CAMTA1: variants seen among roughly 807,000 people sequenced by gnomAD.
CAMTA1 encodes calmodulin-binding transcription activator 1.
Under a neutral mutation model 170.9 loss-of-function variants are expected in CAMTA1, and 27 were observed. The observed-to-expected ratio is 0.16, with a 90% CI of 0.12 to 0.22. CAMTA1 has a LOEUF of 0.22. Among genes scored for constraint, CAMTA1 ranks in the 10% least tolerant of loss-of-function variants. The pLI, the probability that CAMTA1 is intolerant of heterozygous loss-of-function variation, is 1.00. For synonymous variants in CAMTA1, 833 were observed against 891.5 expected (o/e 0.93, Z 1.17); for missense variants, 1,619 against 2,217.2 (o/e 0.73, Z 5.42).
At chr1:6,872,775 T>TA (rs533773647) in intron 3 of CAMTA1, among the ~76,000 whole-genome samples, 2 of 152,008 alleles carry the variant, frequency 1.3e-5, no homozygotes, top group African/African-American at 2.4e-5. Flanking sequence ...ATCATGTCCT[T>TA]AAAAAAAACA....
intron 5 of CAMTA1, among the ~76,000 whole-genome samples, chr1:7,401,070 G>T (rs2089865497): frequency 6.6e-6 from 1 of 152,014 alleles, no homozygotes; most frequent in Non-Finnish European, 1.5e-5. Flanking sequence ...TGTGTTTTTG[G>T]TGTCATATCT....
chr1:7,215,278 G>A (rs1659554815), intron 4 of CAMTA1, among the ~76,000 whole-genome samples: 1 of 151,674 alleles, frequency 6.6e-6, no homozygotes, highest in African/African-American at 2.4e-5. Flanking sequence ...CTAGCTTTTT[G>A]AGCTTAGAAT....
intron 1 of CAMTA1, among the ~76,000 whole-genome samples, chr1:6,794,381 A>G (rs1046302270): frequency 2.0e-5 from 3 of 152,230 alleles, no homozygotes; most frequent in Non-Finnish European, 4.4e-5. Flanking sequence ...TGTGGTGGCA[A>G]CAATGTGAGA....
chr1:7,376,255 CCTGGG>C lies in CAMTA1; in HGVS notation c.439-91573_439-91569del, dbSNP rs559747231. Reference sequence around the variant, plus strand: ...TCGCTGTCTCTGCCAACTCGAAGGGCCTGGGCATAACTGGCCAGCACATGGCCCTG... The same window carrying C: ...TCGCTGTCTCTGCCAACTCGAAGGGCCATAACTGGCCAGCACATGGCCCTG... On this transcript the variant is annotated intron_variant, in intron 5 of 22. Coordinates refer to ENST00000303635, the MANE Select transcript of CAMTA1 (RefSeq NM_015215.4). 7.0e-4 allele frequency among the ~76,000 whole-genome samples: 106 copies of C among 152,350 alleles called. 1 individual carries two copies. Among genetic ancestry groups the C allele is most frequent in the African/African-American group, 2.5e-3 (103 of 41,588 alleles).
intron 6 of CAMTA1, among the ~76,000 whole-genome samples, chr1:7,600,939 C>A (rs575699603): frequency 1.3e-5 from 2 of 151,856 alleles, no homozygotes; most frequent in South Asian, 2.1e-4. Context: ...ACCTTTCCCC[C>A]CTTTCTATTC....
chr1:7,431,855 G>GC (rs1242816409), intron 5 of CAMTA1, among the ~76,000 whole-genome samples: 2 of 152,098 alleles, frequency 1.3e-5, no homozygotes, highest in African/African-American at 4.8e-5. Context: ...ACCTCCTCCT[G>GC]CCCCATCCCC....
intron 11 of CAMTA1, among the ~76,000 whole-genome samples, chr1:7,684,236 C>T (rs2096239462): frequency 6.6e-6 from 1 of 152,222 alleles, no homozygotes; most frequent in Non-Finnish European, 1.5e-5. Flanking sequence ...GGAGGACGCC[C>T]CAGGACTCGG....
At chr1:7,718,853 C>CTTTTTTT (rs1380463151) in intron 11 of CAMTA1, among the ~76,000 whole-genome samples, 4 of 134,558 alleles carry the variant, frequency 3.0e-5, no homozygotes, top group African/African-American at 5.5e-5. Context: ...CCGGTCAGCC[C>CTTTTTTT]TTTTTTTTTT....
rs1265721260 is a variant in CAMTA1 at position 7,251,167 on chromosome 1, G to T, written c.438+1541G>T. On this transcript the variant is annotated intron_variant, in intron 5 of 22. Transcript: ENST00000303635. The surrounding 1 kb of genome is among the most constrained non-coding windows in gnomAD (Gnocchi z 5.1). ...TGGTATATTTCATCTTTAGTAATACGTACATCAGGAACTTCTGCTCGTGAG... is the reference window on the plus strand; with the variant it reads ...TGGTATATTTCATCTTTAGTAATACTTACATCAGGAACTTCTGCTCGTGAG... 6.6e-6 allele frequency among the ~76,000 whole-genome samples: 1 copy of T among 152,172 alleles called. No individual in the cohort carries two copies. The highest frequency in any genetic ancestry group is 2.4e-5 in the African/African-American group (1 of 41,436).
chr1:7,082,725 C>G lies in CAMTA1; in HGVS notation c.235-8579C>G, dbSNP rs887339184. Among the ~76,000 whole-genome samples the G allele has an allele frequency of 1.4e-4, 22 of 152,222 alleles. 1 individual carries two copies. The highest frequency in any genetic ancestry group is 1.5e-5 in the Non-Finnish European group (1 of 68,042). On this transcript the variant is annotated intron_variant, in intron 3 of 22. Coordinates refer to ENST00000303635, the MANE Select transcript of CAMTA1 (RefSeq NM_015215.4). ...TCCTGCTTTCACTTATGCTCTTTCC[C>G]TTCCCTGATACCTTGACCACTTGTC...
intron 15 of CAMTA1, 78 bp downstream of exon 15, chr1:7,737,648 C>G (rs954317966): frequency 4.6e-6 from 6 of 1,315,234 alleles, no homozygotes; most frequent in Non-Finnish European, 6.3e-6. Context: ...TCAGCAGAGT[C>G]CATAGGATAG....
intron 4 of CAMTA1, among the ~76,000 whole-genome samples, chr1:7,190,471 A>T (rs2148943922): frequency 6.6e-6 from 1 of 152,294 alleles, no homozygotes; most frequent in African/African-American, 2.4e-5. Context: ...ATGTAACATA[A>T]ATGTACATAT....
intron 3 of CAMTA1, among the ~76,000 whole-genome samples, chr1:6,868,302 C>CTTT (rs540800023): frequency 1.5e-5 from 2 of 129,280 alleles, no homozygotes; most frequent in African/African-American, 2.7e-5. Context: ...GAGCGAGACT[C>CTTT]TTTTTTTTTT....
At chr1:7,350,408 G>A (rs1408285272) in intron 5 of CAMTA1, among the ~76,000 whole-genome samples, 2 of 152,210 alleles carry the variant, frequency 1.3e-5, no homozygotes, top group African/African-American at 4.8e-5. Context: ...ATAGTTGCAG[G>A]TTTGGATGAG....
In CAMTA1 at chr1:7,738,249, C is replaced by T; in HGVS notation, c.3949C>T (p.Pro1317Ser). ...TAAFQASGSQ[P>S]VGKWNSKDLY... ...AGCATTTCAAGCCTCTGGATCTCAG[C>T]CTGTAGGAAAGTGGAATTCCAAAGA... is the stretch of plus-strand genomic sequence containing the variant. The change falls in exon 16 of 23, where the codon CCT (proline) becomes TCT (serine). Residue 1317 changes from proline to serine, a missense_variant. Pro to Ser is a moderately conservative substitution (Grantham distance 74). This residue lies in a region of CAMTA1 where 370 missense variants were observed against 429.4 expected (regional missense o/e 0.86). Coordinates refer to ENST00000303635, the MANE Select transcript of CAMTA1 (RefSeq NM_015215.4). This position sits in a 1 kb window ranked among gnomAD's most constrained non-coding sequence, Gnocchi z 4.9. The T allele has an allele frequency of 6.2e-7, 1 of 1,614,058 alleles. No homozygotes were observed. Among genetic ancestry groups the T allele is most frequent in the South Asian group, 1.1e-5 (1 of 91,070 alleles).
At chr1:6,865,828 C>T (rs1257998490) in intron 3 of CAMTA1, among the ~76,000 whole-genome samples, 1 of 152,184 alleles carries the variant, frequency 6.6e-6, no homozygotes, top group African/African-American at 2.4e-5. Flanking sequence ...AGTGGGAGAG[C>T]TATAACCTGA....
At chr1:7,404,310 A>C (rs1575138858) in intron 5 of CAMTA1, among the ~76,000 whole-genome samples, 2 of 151,762 alleles carry the variant, frequency 1.3e-5, no homozygotes, top group African/African-American at 2.4e-5. Flanking sequence ...CTCAGACCTC[A>C]CTCTGGCCAC....
intron 4 of CAMTA1, among the ~76,000 whole-genome samples, chr1:7,185,886 A>C (rs777297393): frequency 6.6e-6 from 1 of 152,250 alleles, no homozygotes; most frequent in Non-Finnish European, 1.5e-5. Context: ...AAAGAGATAC[A>C]AAAACTGGAT....
At chr1:7,043,586 G>A (rs2101437435) in intron 3 of CAMTA1, among the ~76,000 whole-genome samples, 1 of 152,258 alleles carries the variant, frequency 6.6e-6, no homozygotes, top group East Asian at 1.9e-4. Context: ...GAATGGCTTC[G>A]ACTCTTTCTC....
Sources: gnomAD v4.1 joint callset for allele counts (sites outside exome capture counted in the v4.1 genomes callset) on GRCh38, gnomAD v4.1.1 for gene constraint, gnomAD v4.1.1 regional missense constraint, Gnocchi (gnomAD v3.1) non-coding constraint, MANE v1.5 for transcripts, NCBI Gene and HGNC (gene_info 2026-07-23, HGNC 2026-07-21) for gene names.